Variants in DNAJC15 observed in about 807,000 individuals in gnomAD.
DNAJC15 encodes the protein dnaJ homolog subfamily C member 15.
DNAJC15 carries 27 observed loss-of-function variants against 22.4 expected under a neutral mutation model. That is an observed-to-expected ratio of 1.20 (90% CI 0.89 to 1.66). The LOEUF is 1.66. Ranked by LOEUF, DNAJC15 falls within the 40% of genes most tolerant of loss-of-function variation. The probability of loss-of-function intolerance (pLI) is 0.00; values close to 1 mark genes in which losing one functional copy is unlikely to be tolerated. For synonymous variants in DNAJC15, 79 were observed against 63.2 expected (o/e 1.25, Z -1.19); for missense variants, 208 against 187.1 (o/e 1.11, Z -0.65).
chr13:43,053,109 C>T (rs1193890524), intron 1 of DNAJC15, among the ~76,000 whole-genome samples: 1 of 152,190 alleles, frequency 6.6e-6, no homozygotes, highest in East Asian at 1.9e-4. Context: ...CAGTTTCATT[C>T]TTCCACATGT....
intron 5 of DNAJC15, among the ~76,000 whole-genome samples, chr13:43,098,010 A>C (rs1015635951): frequency 6.6e-6 from 1 of 152,224 alleles, no homozygotes; most frequent in Non-Finnish European, 1.5e-5. Flanking sequence ...AGGGGTAAGA[A>C]AAAATGAGGA....
At chr13:43,065,222 C>T (rs1166889433) in intron 1 of DNAJC15, among the ~76,000 whole-genome samples, 2 of 152,066 alleles carry the variant, frequency 1.3e-5, no homozygotes, top group Admixed American at 6.5e-5. Flanking sequence ...AATTTTTTAT[C>T]ATTTTTGATA....
At chr13:43,078,512 A>G in intron 3 of DNAJC15, 100 bp from the exon 4 acceptor site, 1 of 841,508 alleles carries the variant, frequency 1.2e-6, no homozygotes, top group South Asian at 2.5e-5. Flanking sequence ...GTTGACTTCT[A>G]GTAAAATGCA....
intron 5 of DNAJC15, among the ~76,000 whole-genome samples, chr13:43,091,599 T>G (rs555514095): frequency 9.6e-4 from 146 of 152,364 alleles, no homozygotes; most frequent in African/African-American, 3.4e-3. Flanking sequence ...ATTAGTACTT[T>G]ATTTGTATCA....
At chr13:43,055,619 CTTCTT>C (rs2040526981) in intron 1 of DNAJC15, among the ~76,000 whole-genome samples, 1 of 152,182 alleles carries the variant, frequency 6.6e-6, no homozygotes, top group Non-Finnish European at 1.5e-5. Context: ...GATCTTCTCT[CTTCTT>C]TTCTTGGTTA....
At chr13:43,040,963 A>G (rs1242524959) in intron 1 of DNAJC15, among the ~76,000 whole-genome samples, 1 of 152,202 alleles carries the variant, frequency 6.6e-6, no homozygotes, top group East Asian at 1.9e-4. Flanking sequence ...GGAACATACA[A>G]TCTGGTTTTA....
chr13:43,034,094 A>G (rs1415871491), intron 1 of DNAJC15, among the ~76,000 whole-genome samples: 1 of 151,710 alleles, frequency 6.6e-6, no homozygotes, highest in Admixed American at 6.6e-5. Context: ...ACATACTATA[A>G]ACATGTTTGT....
intron 5 of DNAJC15, among the ~76,000 whole-genome samples, chr13:43,087,374 C>A (rs1170230689): frequency 6.6e-6 from 1 of 151,948 alleles, no homozygotes; most frequent in Admixed American, 6.5e-5. Flanking sequence ...GTTGGAACTT[C>A]TCTCTTTGAT....
chr13:43,073,289 C>T (rs1173715066), intron 3 of DNAJC15, among the ~76,000 whole-genome samples: 1 of 152,198 alleles, frequency 6.6e-6, no homozygotes, highest in Non-Finnish European at 1.5e-5. Context: ...TAGAAGGCAG[C>T]ATTGGTACCT....
intron 5 of DNAJC15, among the ~76,000 whole-genome samples, chr13:43,105,856 A>G (rs2040794090): frequency 6.6e-6 from 1 of 152,346 alleles, no homozygotes; most frequent in Non-Finnish European, 1.5e-5. Flanking sequence ...CATGAAATCA[A>G]CATATTTCAT....
At chr13:43,087,693 CT>C (rs1389106432) in intron 5 of DNAJC15, among the ~76,000 whole-genome samples, 2 of 152,104 alleles carry the variant, frequency 1.3e-5, no homozygotes, top group African/African-American at 4.8e-5. Context: ...CCCCAAGGAA[CT>C]TTTCTGTTGG....
intron 5 of DNAJC15, among the ~76,000 whole-genome samples, chr13:43,093,868 A>AT (rs1319445387): frequency 6.6e-6 from 1 of 152,162 alleles, no homozygotes; most frequent in Non-Finnish European, 1.5e-5. Flanking sequence ...ATTGTTTTAC[A>AT]TTTTTGCACA....
intron 2 of DNAJC15, 107 bp downstream of exon 2, chr13:43,065,844 A>C (rs898969427): frequency 1.1e-6 from 1 of 907,204 alleles, no homozygotes; most frequent in Admixed American, 2.0e-5. Flanking sequence ...TGGTTTTCAG[A>C]CATAATACAT....
chr13:43,078,609 C>A lies in DNAJC15; in HGVS notation c.235-3C>A. On this transcript the variant is annotated splice_region_variant and splice_polypyrimidine_tract_variant and intron_variant, in intron 3 of 5. Transcript: ENST00000379221. ...GATTTCTTGCTCTTTCTTTCCTATACAGAGCTTTTCATCCTACTATAAAGG... is the reference window on the plus strand; with the variant it reads ...GATTTCTTGCTCTTTCTTTCCTATAAAGAGCTTTTCATCCTACTATAAAGG... The A allele has an allele frequency of 6.2e-7, 1 of 1,611,804 alleles. No individual in the cohort carries two copies. The highest frequency in any genetic ancestry group is 8.5e-7 in the Non-Finnish European group (1 of 1,178,440).
At chr13:43,049,450 A>G (rs369915616) in intron 1 of DNAJC15, among the ~76,000 whole-genome samples, 1 of 152,230 alleles carries the variant, frequency 6.6e-6, no homozygotes, top group African/African-American at 2.4e-5. Flanking sequence ...AGTTTAGTAA[A>G]CGAGAAATAG....
chr13:43,107,157 C>A, intron 5 of DNAJC15, 21 bp from the exon 6 acceptor site: 2 of 1,538,510 alleles, frequency 1.3e-6, no homozygotes, highest in South Asian at 2.5e-5. Context: ...TATTTTAATT[C>A]ATTTTTCTTT....
At chr13:43,089,897 C>T (rs2040706073) in intron 5 of DNAJC15, among the ~76,000 whole-genome samples, 1 of 152,014 alleles carries the variant, frequency 6.6e-6, no homozygotes, top group Non-Finnish European at 1.5e-5. Flanking sequence ...TTCACTTTGC[C>T]AGCCTTTGCA....
chr13:43,107,146 G>T, intron 5 of DNAJC15, 32 bp from the exon 6 acceptor site: 2 of 1,522,510 alleles, frequency 1.3e-6, no homozygotes, highest in South Asian at 1.3e-5. Context: ...ATGATGAAAT[G>T]TATTTTAATT....
intron 1 of DNAJC15, among the ~76,000 whole-genome samples, chr13:43,053,833 C>T (rs954161463): frequency 9.2e-5 from 14 of 152,092 alleles, no homozygotes; most frequent in African/African-American, 3.1e-4. Context: ...TCAGGGTTTT[C>T]TGGTATACAA....
Sources: allele counts gnomAD v4.1 joint callset (sites outside exome capture counted in the v4.1 genomes callset), GRCh38; gene constraint gnomAD v4.1.1; transcripts MANE v1.5; gene names NCBI Gene and HGNC (gene_info 2026-07-23, HGNC 2026-07-21).